The following ZBTB46 variants were observed in gnomAD, a reference collection of about 807,000 sequenced individuals.
ZBTB46 encodes the protein zinc finger and BTB domain-containing protein 46.
Under a neutral mutation model 44.1 loss-of-function variants are expected in ZBTB46, and 8 were observed. The observed-to-expected ratio is 0.18, with a 90% confidence interval of 0.11 to 0.33. The LOEUF is 0.33. Ranked by LOEUF, ZBTB46 falls within the 10% of genes least tolerant of loss-of-function variation. The pLI is 1.00. For missense variants in ZBTB46, 651 were observed against 847.7 expected (o/e 0.77, Z 2.88); for synonymous variants, 409 against 382.3 (o/e 1.07, Z -0.81).
chr20:63,789,927 C>T lies in ZBTB46; in HGVS notation c.831G>A (p.Glu277=), dbSNP rs1216510767. 6.2e-7 allele frequency: 1 copy of T among 1,614,102 alleles called. No individual in the cohort carries two copies. Residue 277 remains glutamate (E), a synonymous_variant, in exon 2 of 5, where the codon GAG becomes GAA. Coordinates refer to ENST00000245663, the MANE Select transcript of ZBTB46 (RefSeq NM_001369741.1). ...CCTGCTGTGTGATGTGCCGGACGGTCTCTTTGTTTTTCCGATTCTTCCTTC... is the reference window on the plus strand; with the variant it reads ...CCTGCTGTGTGATGTGCCGGACGGTTTCTTTGTTTTTCCGATTCTTCCTTC... ...TGRRKNRKNK[E]TVRHITQQVE... is the part of the protein sequence containing the mutation.
chr20:63,806,019 C>CCCGCCT (rs1158805269), intron 1 of ZBTB46, among the ~76,000 whole-genome samples: 2 of 149,632 alleles, frequency 1.3e-5, no homozygotes, highest in African/African-American at 4.9e-5. Context: ...AGGTGCTCTA[C>CCCGCCT]CCGCCTCCGC....
chr20:63,808,781 T>C lies in ZBTB46; in HGVS notation c.-33-17991A>G, dbSNP rs544023755. 3.5e-3 allele frequency among the ~76,000 whole-genome samples: 539 copies of C among 151,962 alleles called. 4 individuals are homozygous for C. Among genetic ancestry groups the C allele is most frequent in the African/African-American group, 0.013 (524 of 41,476 alleles). ...TGAGGTCAGGAGATCAAGACCATCCTGGCTAACATGGTGAAACCCCGTCTC... is the reference window on the plus strand; with the variant it reads ...TGAGGTCAGGAGATCAAGACCATCCCGGCTAACATGGTGAAACCCCGTCTC... On this transcript the variant is annotated intron_variant, in intron 1 of 4. Transcript: ENST00000245663.
At chr20:63,826,624 C>T (rs1600733766) in intron 1 of ZBTB46, among the ~76,000 whole-genome samples, 2 of 147,094 alleles carry the variant, frequency 1.4e-5, no homozygotes, top group East Asian at 2.3e-4. Context: ...ACTCCGGAGG[C>T]TGAGGCAGGA....
chr20:63,783,795 G>A (rs2092490250), intron 2 of ZBTB46, among the ~76,000 whole-genome samples: 1 of 152,126 alleles, frequency 6.6e-6, no homozygotes, highest in Non-Finnish European at 1.5e-5. Context: ...GTCATCTTTT[G>A]GTTGAAACCC....
At chr20:63,782,906 G>C (rs1048663208) in intron 2 of ZBTB46, among the ~76,000 whole-genome samples, 1 of 152,192 alleles carries the variant, frequency 6.6e-6, no homozygotes, top group Non-Finnish European at 1.5e-5. Context: ...GTTTGAGACT[G>C]GCCTGGGCAA....
rs1029374693 is a variant in ZBTB46 at position 63,816,787 on chromosome 20, T to C, written c.-34+14310A>G. On this transcript the variant is annotated intron_variant, in intron 1 of 4. Coordinates refer to ENST00000245663, the MANE Select transcript of ZBTB46 (RefSeq NM_001369741.1). ...TGGATTAGGGCGGGCCCTCACCCAATAGGACCAGCTTCCTTAAAAGAAAAG... is the reference window on the plus strand; with the variant it reads ...TGGATTAGGGCGGGCCCTCACCCAACAGGACCAGCTTCCTTAAAAGAAAAG... 1.3e-4 allele frequency among the ~76,000 whole-genome samples: 20 copies of C among 152,056 alleles called. 1 individual carries two copies. The highest frequency in any genetic ancestry group is 1.2e-3 in the Admixed American group (18 of 15,248).
rs962020623 is a variant in ZBTB46, at chr20:63,747,257, G to A, written c.1443C>T (p.Arg481=). Residue 481 remains arginine (R), a synonymous_variant, in exon 5 of 5, where the codon CGC becomes CGT. Transcript: ENST00000245663. ...CCACGCTGGCGGCGGACATGAAGAC[G>A]CGGCTGCACACCTTGCACACATACT... is the stretch of plus-strand genomic sequence containing the variant. ...DKKYVCKVCS[R]VFMSAASVGI... 21 of 1,557,230 alleles carry A rather than the reference G, an allele frequency of 1.3e-5. No homozygotes were observed. Among genetic ancestry groups the A allele is most frequent in the East Asian group, 2.4e-5 (1 of 42,058 alleles).
At chr20:63,831,671 C>T (rs2092853229), upstream of ZBTB46, among the ~76,000 whole-genome samples, 1 of 150,334 alleles carries the variant, frequency 6.7e-6, no homozygotes, top group East Asian at 2.0e-4. Flanking sequence ...GGAAACACCC[C>T]ACGGGAGCGG....
intron 1 of ZBTB46, among the ~76,000 whole-genome samples, chr20:63,818,691 T>TA (rs983632048): frequency 1.1e-4 from 17 of 148,970 alleles, no homozygotes; most frequent in African/African-American, 2.7e-4. Flanking sequence ...CCGTGTCTAT[T>TA]AAAAAAAAAT....
chr20:63,810,530 G>A (rs574879121), intron 1 of ZBTB46, among the ~76,000 whole-genome samples: 2 of 152,266 alleles, frequency 1.3e-5, no homozygotes, highest in African/African-American at 4.8e-5. Flanking sequence ...TGGATCATAT[G>A]AGATCAGGAG....
At chr20:63,805,822 CTCGGCTCACTGAAGCCT>C (rs1167591137) in intron 1 of ZBTB46, among the ~76,000 whole-genome samples, 2 of 151,664 alleles carry the variant, frequency 1.3e-5, no homozygotes, top group South Asian at 2.1e-4. Context: ...GTGGCACGAT[CTCGGCTCACTGAAGCCT>C]TCGGCTCACT....
intron 1 of ZBTB46, among the ~76,000 whole-genome samples, chr20:63,819,840 G>A (rs141233985): frequency 1.8e-3 from 270 of 152,250 alleles, no homozygotes; most frequent in Non-Finnish European, 2.9e-3. Context: ...CACGGGACAC[G>A]CATTTCACCG....
rs1450918692 is a variant in ZBTB46 at position 63,803,577 on chromosome 20, C to T, written c.-33-12787G>A. 8.9e-5 allele frequency: 87 copies of T among 972,646 alleles called. No individual in the cohort carries two copies. The highest frequency in any genetic ancestry group is 1.0e-4 in the Non-Finnish European group (83 of 818,508). The allele number at this position is 972,646 out of a possible 1,614,324, so 60.3% of individuals were successfully genotyped here. ...CCGGGCTGCCCAGGCCCCGGGCTGC[C>T]CAGGTCTCTGTCGGAGGCCCTGCCA... On this transcript the variant is annotated intron_variant, in intron 1 of 4. Transcript: ENST00000245663. The surrounding 1 kb of genome is among the most constrained non-coding windows in gnomAD (Gnocchi z 4.0).
chr20:63,802,393 G>C (rs993972248), intron 1 of ZBTB46, among the ~76,000 whole-genome samples: 2 of 151,968 alleles, frequency 1.3e-5, no homozygotes, highest in Non-Finnish European at 2.9e-5. Context: ...CTGCACTCCA[G>C]CCTGAGTGAC....
Position 63,826,187 on chromosome 20 carries a change from C to G in ZBTB46, c.-34+4910G>C, listed in dbSNP as rs545648805. 2.2e-4 allele frequency among the ~76,000 whole-genome samples: 34 copies of G among 152,398 alleles called. No homozygotes were observed. In the South Asian group the frequency reaches 7.0e-3, roughly 32 times the overall value. On this transcript the variant is annotated intron_variant, in intron 1 of 4. Coordinates refer to ENST00000245663, the MANE Select transcript of ZBTB46 (RefSeq NM_001369741.1). Reference sequence around the variant, plus strand: ...TGGTTGGAAGAGATGATGTGATGCACTTTTGTAAACGAAAATGTCTTACAA... The same window carrying G: ...TGGTTGGAAGAGATGATGTGATGCAGTTTTGTAAACGAAAATGTCTTACAA...
intron 1 of ZBTB46, among the ~76,000 whole-genome samples, chr20:63,800,906 T>A (rs1486150236): frequency 6.6e-6 from 1 of 152,226 alleles, no homozygotes; most frequent in Non-Finnish European, 1.5e-5. Flanking sequence ...GCCCAAGGGC[T>A]GAGGAGTGCA....
At chr20:63,786,691 T>C (rs1250316016) in intron 2 of ZBTB46, among the ~76,000 whole-genome samples, 1 of 152,082 alleles carries the variant, frequency 6.6e-6, no homozygotes, top group Non-Finnish European at 1.5e-5. Flanking sequence ...TTTGTATATT[T>C]AGTAGAGACG....
chr20:63,772,938 C>T lies in ZBTB46; in HGVS notation c.1222+2740G>A, dbSNP rs534128666. On this transcript the variant is annotated intron_variant, in intron 3 of 4. Transcript: ENST00000245663. ...CTCCACGTGCTCCGGGGCTCGCTTC[C>T]GGAAAGGAGGGGCCCAGAACAGAAA... Among the ~76,000 whole-genome samples the T allele has an allele frequency of 3.3e-5, 5 of 152,244 alleles. No homozygotes were observed. In the South Asian group the frequency reaches 6.2e-4, roughly 19 times the overall value.
chr20:63,788,392 G>A (rs2092533074), intron 2 of ZBTB46: 1 of 152,216 alleles, frequency 6.6e-6, no homozygotes, highest in Non-Finnish European at 1.5e-5. Flanking sequence ...CCAGTATTCA[G>A]CAAACATTTA....
Sources: allele counts gnomAD v4.1 joint callset (sites outside exome capture counted in the v4.1 genomes callset), GRCh38; gene constraint gnomAD v4.1.1; non-coding constraint Gnocchi (gnomAD v3.1); transcripts MANE v1.5; gene names NCBI Gene and HGNC (gene_info 2026-07-23, HGNC 2026-07-21).